PRKN: variants seen among roughly 807,000 people sequenced by gnomAD.
The protein encoded by PRKN is parkin RBR E3 ubiquitin protein ligase.
PRKN carries 56 observed loss-of-function variants against 59.5 expected under a neutral mutation model. The ratio of observed to expected loss-of-function variants is 0.94; its 90% CI spans 0.76 to 1.18. The LOEUF is 1.18. Ranked by LOEUF, PRKN falls within the 50% of genes most tolerant of loss-of-function variation. The pLI is 0.00. For missense variants in PRKN, 657 were observed against 596.4 expected (o/e 1.10, Z -1.06); for synonymous variants, 250 against 222.1 (o/e 1.13, Z -1.12).
At chr6:162,474,266 AC>A (rs1469511875) in intron 1 of PRKN, among the ~76,000 whole-genome samples, 1 of 152,206 alleles carries the variant, frequency 6.6e-6, no homozygotes, top group Non-Finnish European at 1.5e-5. Flanking sequence ...TTCCAATAAT[AC>A]AACTGGGACA....
intron 7 of PRKN, among the ~76,000 whole-genome samples, chr6:161,710,640 C>T (rs1022912204): frequency 4.6e-5 from 7 of 152,196 alleles, no homozygotes; most frequent in Non-Finnish European, 1.0e-4. Flanking sequence ...CACTTCTACA[C>T]TTCTAGAGAA....
At chr6:162,227,087 A>G (rs949445039) in intron 3 of PRKN, among the ~76,000 whole-genome samples, 6 of 152,222 alleles carry the variant, frequency 3.9e-5, no homozygotes, top group African/African-American at 7.2e-5. Flanking sequence ...ACCAGTGTAT[A>G]TATCTACATT....
At chr6:162,642,939 T>C (rs769503275) in intron 1 of PRKN, among the ~76,000 whole-genome samples, 23 of 152,116 alleles carry the variant, frequency 1.5e-4, no homozygotes, top group Non-Finnish European at 2.8e-4. Flanking sequence ...ATAGTATGAT[T>C]GAAGAATATA....
intron 4 of PRKN, among the ~76,000 whole-genome samples, chr6:162,110,141 G>T (rs1044263988): frequency 2.0e-5 from 3 of 152,142 alleles, no homozygotes; most frequent in African/African-American, 7.2e-5. Flanking sequence ...TTAATATATT[G>T]ATGTTTACGG....
intron 7 of PRKN, among the ~76,000 whole-genome samples, chr6:161,574,386 G>A (rs1781053943): frequency 6.6e-6 from 1 of 152,166 alleles, no homozygotes; most frequent in Non-Finnish European, 1.5e-5. Context: ...TAGAGACCAT[G>A]TCCGATCCTT....
Position 161,733,056 on chromosome 6 carries a change from C to T in PRKN, c.871+52716G>A, listed in dbSNP as rs137929157. 6.7e-3 allele frequency among the ~76,000 whole-genome samples: 1,020 copies of T among 152,186 alleles called. 17 individuals carry two copies. Among genetic ancestry groups the T allele is most frequent in the African/African-American group, 0.023 (964 of 41,528 alleles). On this transcript the variant is annotated intron_variant, in intron 7 of 11. Coordinates refer to ENST00000366898, the MANE Select transcript of PRKN (RefSeq NM_004562.3). The stretch of plus-strand genomic sequence containing the variant: ...AAAAAAACAAAAACAAAAAGAAAAA[C>T]GGATTTTTATCAAATTGGTAATGAA...
At position 161,866,944 on chromosome 6, in the gene PRKN, A is replaced by G. The variant is rs550191466; in HGVS notation, c.735-81036T>C. 7.9e-5 allele frequency among the ~76,000 whole-genome samples: 12 copies of G among 152,254 alleles called. No individual in the cohort carries two copies. The East Asian group carries it at 2.1e-3, about 27-fold the overall frequency. ...TGGGGTGATGAGGAAAGCTTAATTT[A>G]AATAGAGTCCCACCTGGACTGGGAT... is the stretch of plus-strand genomic sequence containing the variant. On this transcript the variant is annotated intron_variant, in intron 6 of 11. Coordinates refer to ENST00000366898, the MANE Select transcript of PRKN (RefSeq NM_004562.3).
chr6:162,172,343 C>A (rs1583147766), intron 4 of PRKN, among the ~76,000 whole-genome samples: 1 of 152,214 alleles, frequency 6.6e-6, no homozygotes, highest in East Asian at 1.9e-4. Context: ...TCCTAGAAGC[C>A]CAGTGGCTGA....
rs148929535 is a variant in PRKN, at chr6:161,384,858, C to T, written c.1167+1936G>A. On this transcript the variant is annotated intron_variant, in intron 10 of 11. Coordinates refer to ENST00000366898, the MANE Select transcript of PRKN (RefSeq NM_004562.3). ...TTGGTTTAGCATATTACTGTAATTACGATATTCATTTTCCAGTAAATCTCC... is the reference window on the plus strand; with the variant it reads ...TTGGTTTAGCATATTACTGTAATTATGATATTCATTTTCCAGTAAATCTCC... 2.2e-3 allele frequency among the ~76,000 whole-genome samples: 341 copies of T among 152,264 alleles called. 1 individual carries two copies. The highest frequency in any genetic ancestry group is 7.9e-3 in the African/African-American group (329 of 41,552).
Position 161,973,344 on chromosome 6 carries a change from G to C in PRKN, c.692C>G (p.Thr231Arg), listed in dbSNP as rs764754559. 9.3e-6 allele frequency: 15 copies of C among 1,613,906 alleles called. No individual in the cohort carries two copies. The highest frequency in any genetic ancestry group is 1.3e-5 in the Non-Finnish European group (15 of 1,179,780). Reference sequence around the variant, plus strand: ...AATGCAAGTGATGTTCCGACTATTTGTTGCGATCAGGTGCAAAGCTACTGA... The same window carrying C: ...AATGCAAGTGATGTTCCGACTATTTCTTGCGATCAGGTGCAAAGCTACTGA... ...ETSVALHLIA[T>R]NSRNITCITC... Residue 231 changes from threonine to arginine, a missense_variant, in exon 6 of 12, where the codon ACA becomes AGA. Transcript: ENST00000366898.
intron 4 of PRKN, among the ~76,000 whole-genome samples, chr6:162,159,679 G>C (rs1782674365): frequency 6.6e-6 from 1 of 152,176 alleles, no homozygotes; most frequent in Non-Finnish European, 1.5e-5. Context: ...CAAAGTTGGA[G>C]AACTTCTGCT....
In PRKN at chr6:161,410,431, TTAAG is replaced by T. The variant is rs1443052035; in HGVS notation, c.1084-23558_1084-23555del. 6.6e-6 allele frequency among the ~76,000 whole-genome samples: 1 copy of T among 152,072 alleles called. No homozygotes were observed. Among genetic ancestry groups the T allele is most frequent in the East Asian group, 1.9e-4 (1 of 5,182 alleles). On this transcript the variant is annotated intron_variant, in intron 9 of 11. Transcript: ENST00000366898. The surrounding 1 kb of genome is among the most constrained non-coding windows in gnomAD (Gnocchi z 5.3). ...GAGCTATGAACAGTGGCACCAGCTT[TTAAG>T]TAAGGATGAGGGCTTCCCAACCAAC...
intron 6 of PRKN, among the ~76,000 whole-genome samples, chr6:161,971,238 C>G (rs2128251281): frequency 6.6e-6 from 1 of 152,228 alleles, no homozygotes; most frequent in South Asian, 2.1e-4. Flanking sequence ...AAAGATGTTG[C>G]CAGTTATTAA....
chr6:162,569,007 T>C (rs6919746), intron 1 of PRKN: 366,468 of 687,170 alleles, frequency 0.53, 100,230 homozygotes, highest in East Asian at 0.73. Flanking sequence ...AGAGGAGACC[T>C]TGGAGCTGCA....
intron 4 of PRKN, among the ~76,000 whole-genome samples, chr6:162,173,275 G>A (rs111968800): frequency 0.011 from 1,633 of 152,138 alleles, 29 homozygotes; most frequent in African/African-American, 0.038. Context: ...CAGAACTCCC[G>A]TCTCATGTCC....
chr6:162,406,246 G>T (rs1195084373), intron 2 of PRKN, among the ~76,000 whole-genome samples: 3 of 152,166 alleles, frequency 2.0e-5, no homozygotes, highest in African/African-American at 7.2e-5. Context: ...AAAACAGAGA[G>T]GTAAATTTTG....
intron 3 of PRKN, among the ~76,000 whole-genome samples, chr6:162,252,544 G>A (rs766853566): frequency 6.6e-6 from 1 of 152,318 alleles, no homozygotes; most frequent in South Asian, 2.1e-4. Context: ...AAATTTGGAG[G>A]TGATTAGGTC....
intron 2 of PRKN, among the ~76,000 whole-genome samples, chr6:162,374,334 G>A (rs1489866257): frequency 1.3e-5 from 2 of 151,634 alleles, no homozygotes; most frequent in African/African-American, 4.8e-5. Context: ...AGAGTAGAAG[G>A]AACCTCTGTG....
At chr6:162,368,444 C>T (rs115491705) in intron 2 of PRKN, among the ~76,000 whole-genome samples, 422 of 152,270 alleles carry the variant, frequency 2.8e-3, no homozygotes, top group African/African-American at 9.6e-3. Flanking sequence ...ATGGAAGTCT[C>T]ATTGTTTCTT....
Sources: gnomAD v4.1 joint callset for allele counts (sites outside exome capture counted in the v4.1 genomes callset) on GRCh38, gnomAD v4.1.1 for gene constraint, Gnocchi (gnomAD v3.1) non-coding constraint, MANE v1.5 for transcripts, NCBI Gene and HGNC (gene_info 2026-07-23, HGNC 2026-07-21) for gene names.